KIAA0319: variants seen among roughly 807,000 people sequenced by gnomAD.
KIAA0319 encodes KIAA0319, also known as dyslexia-associated protein KIAA0319.
Under a neutral mutation model 108.4 loss-of-function variants are expected in KIAA0319, and 83 were observed. That is an observed-to-expected ratio of 0.77 (90% CI 0.64 to 0.92). The LOEUF (loss-of-function observed/expected upper bound fraction) is 0.92, where lower values mean the gene tolerates loss of function less well. Ranked by LOEUF, KIAA0319 falls within the 40% of genes least tolerant of loss-of-function variation. The probability of loss-of-function intolerance (pLI) is 0.00; values close to 1 mark genes in which losing one functional copy is unlikely to be tolerated. For synonymous variants in KIAA0319, 484 were observed against 510.4 expected, an observed-to-expected ratio of 0.95 and a Z score of 0.70; for missense variants, 1,195 against 1,322.4, an observed-to-expected ratio of 0.90 and a Z score of 1.49.
intron 3 of KIAA0319, among the ~76,000 whole-genome samples, chr6:24,594,417 G>A (rs917388647): frequency 2.0e-5 from 3 of 151,516 alleles, no homozygotes; most frequent in African/African-American, 4.9e-5. Context: ...TTTGAGGTCA[G>A]GAGTTCGAAG....
chr6:24,553,332 C>T (rs1343387527), intron 19 of KIAA0319, among the ~76,000 whole-genome samples: 1 of 110,672 alleles, frequency 9.0e-6, no homozygotes, highest in African/African-American at 4.1e-5. Flanking sequence ...CACACACACA[C>T]ACACGCACAT....
chr6:24,609,186 T>C (rs1353505625), intron 1 of KIAA0319, among the ~76,000 whole-genome samples: 6 of 145,586 alleles, frequency 4.1e-5, no homozygotes, highest in Non-Finnish European at 7.4e-5. Flanking sequence ...GAGAATTGCT[T>C]GAACTTGGAA....
intron 3 of KIAA0319, among the ~76,000 whole-genome samples, chr6:24,593,186 T>A (rs995627169): frequency 2.0e-5 from 3 of 152,070 alleles, no homozygotes; most frequent in African/African-American, 7.2e-5. Context: ...CCTCCTTTCC[T>A]CACTGGAAAC....
At chr6:24,586,003 C>G (rs1389380835) in intron 4 of KIAA0319, among the ~76,000 whole-genome samples, 2 of 152,146 alleles carry the variant, frequency 1.3e-5, no homozygotes, top group East Asian at 1.9e-4. Context: ...GCAGGAGAAT[C>G]TCTTGAACCT....
intron 8 of KIAA0319, among the ~76,000 whole-genome samples, chr6:24,579,638 C>T (rs1028879554): frequency 1.3e-5 from 2 of 150,336 alleles, no homozygotes; most frequent in Non-Finnish European, 3.0e-5. Context: ...AATGGCCAGG[C>T]GCTAAAGAAC....
chr6:24,585,482 G>C (rs1446591979), intron 4 of KIAA0319, among the ~76,000 whole-genome samples: 3 of 152,062 alleles, frequency 2.0e-5, no homozygotes, highest in Non-Finnish European at 4.4e-5. Flanking sequence ...TGCAGGGGGT[G>C]GGGGAAAGAG....
intron 3 of KIAA0319, among the ~76,000 whole-genome samples, chr6:24,594,915 C>T (rs570014309): frequency 6.6e-6 from 1 of 152,138 alleles, no homozygotes; most frequent in Non-Finnish European, 1.5e-5. Context: ...AACCTCTGAG[C>T]TCTCCAACTA....
At chr6:24,542,893 G>A (rs148016358), downstream of KIAA0319, among the ~76,000 whole-genome samples, 42 of 152,282 alleles carry the variant, frequency 2.8e-4, no homozygotes, top group East Asian at 5.6e-3. Context: ...CCAACCAGGC[G>A]TCATCTGTAT....
intron 1 of KIAA0319, among the ~76,000 whole-genome samples, chr6:24,615,437 CA>C (rs536822614): frequency 2.8e-3 from 387 of 138,060 alleles, no homozygotes; most frequent in Middle Eastern, 0.015. Flanking sequence ...CTTGTATTTG[CA>C]AAAAAAAAAA....
rs188754420 is a variant in KIAA0319 at position 24,582,128 on chromosome 6, A to G, written c.1191+121T>C. 414 of 613,152 alleles carry G rather than the reference A, an allele frequency of 6.8e-4. 4 individuals are homozygous for G. The highest frequency in any genetic ancestry group is 4.0e-3 in the East Asian group (136 of 33,958). 38.0% of individuals were successfully genotyped at this position (613,152 alleles called of 1,614,324 possible). On this transcript the variant is annotated intron_variant, in intron 6 of 20. Coordinates refer to ENST00000378214, the MANE Select transcript of KIAA0319 (RefSeq NM_014809.4). ...GCTACTGCACTCCAGCCTGGGCAAC[A>G]GAGCAAGACTCTGTCCCCAAAAAGA...
intron 19 of KIAA0319, among the ~76,000 whole-genome samples, chr6:24,554,205 C>T (rs1761980263): frequency 1.3e-5 from 2 of 152,166 alleles, no homozygotes; most frequent in South Asian, 2.1e-4. Context: ...CTGGTGTGTG[C>T]GAAGAAACTC....
At chr6:24,558,269 A>T (rs1290231416) in intron 17 of KIAA0319, among the ~76,000 whole-genome samples, 1 of 136,608 alleles carries the variant, frequency 7.3e-6, no homozygotes, top group Non-Finnish European at 1.5e-5. Flanking sequence ...TCTACTAAAA[A>T]TACCAAAAAA....
intron 3 of KIAA0319, among the ~76,000 whole-genome samples, chr6:24,590,086 A>C (rs1768233065): frequency 6.6e-6 from 1 of 152,206 alleles, no homozygotes; most frequent in Admixed American, 6.5e-5. Flanking sequence ...CTATAATTCA[A>C]ATGTAAATCA....
intron 19 of KIAA0319, among the ~76,000 whole-genome samples, chr6:24,552,750 C>G (rs535002844): frequency 6.6e-6 from 1 of 152,266 alleles, no homozygotes; most frequent in East Asian, 1.9e-4. Flanking sequence ...GGATTACAGG[C>G]ATGCACCACC....
At chr6:24,571,447 G>A (rs1313101914) in intron 11 of KIAA0319, among the ~76,000 whole-genome samples, 5 of 150,800 alleles carry the variant, frequency 3.3e-5, no homozygotes, top group African/African-American at 1.2e-4. Flanking sequence ...TTTGCACCAC[G>A]CCACAGCCCC....
At chr6:24,597,761 A>G (rs570584457) in intron 2 of KIAA0319, among the ~76,000 whole-genome samples, 2 of 151,934 alleles carry the variant, frequency 1.3e-5, no homozygotes, top group African/African-American at 4.8e-5. Context: ...AAGGTAAAAA[A>G]GATAAAGAAG....
chr6:24,556,655 T>G lies in KIAA0319; in HGVS notation c.2809A>C (p.Met937Leu). Residue 937 changes from methionine (M) to leucine (L), a missense_variant, in exon 18 of 21, where the codon ATG becomes CTG. By Grantham distance (15) the Met-to-Leu change is conservative (BLOSUM62 2). Coordinates refer to ENST00000378214, the MANE Select transcript of KIAA0319 (RefSeq NM_014809.4). ...TKRCICSHLW[M>L]ENLIQRYIWD... ...ATATAACGCTGTATAAGGTTCTCCA[T>G]CCATAAGTGAGAGCAAATGCAGCGC... 2 of 1,613,952 alleles carry G rather than the reference T, an allele frequency of 1.2e-6. No homozygotes were observed. The highest frequency in any genetic ancestry group is 2.2e-5 in the South Asian group (2 of 91,050).
chr6:24,583,821 T>C (rs1472827245), intron 4 of KIAA0319, 119 bp from the exon 5 acceptor site: 1 of 681,476 alleles, frequency 1.5e-6, no homozygotes, highest in Non-Finnish European at 2.5e-6. Flanking sequence ...TTTGTAATAG[T>C]TCTTCATAAG....
chr6:24,601,268 C>T (rs1021006432), intron 1 of KIAA0319, 60 bp from the exon 2 acceptor site: 1 of 1,439,290 alleles, frequency 6.9e-7, no homozygotes, highest in African/African-American at 1.4e-5. Flanking sequence ...TAGAAACATC[C>T]AAAATTATTT....
Sources: gnomAD v4.1 joint callset for allele counts (sites outside exome capture counted in the v4.1 genomes callset) on GRCh38, gnomAD v4.1.1 for gene constraint, MANE v1.5 for transcripts, NCBI Gene and HGNC (gene_info 2026-07-23, HGNC 2026-07-21) for gene names.